Variants in CLVS2 observed in about 807,000 individuals in gnomAD.
The protein encoded by CLVS2 is clavesin-2.
Under a neutral mutation model 29.0 loss-of-function variants are expected in CLVS2, and 19 were observed. The observed-to-expected ratio is 0.66, with a 90% CI of 0.46 to 0.96. The LOEUF is 0.96. CLVS2 is among the 40% of genes least tolerant of loss of function. The pLI, the probability that CLVS2 is intolerant of heterozygous loss-of-function variation, is 0.00. For missense variants in CLVS2, 294 were observed against 404.1 expected (o/e 0.73, Z 2.34); for synonymous variants, 161 against 151.3 (o/e 1.06, Z -0.47).
chr6:123,044,400 C>T (rs979477167), intron 3 of CLVS2, among the ~76,000 whole-genome samples: 2 of 151,944 alleles, frequency 1.3e-5, no homozygotes, highest in Admixed American at 6.6e-5. Context: ...AAGTTGAGGA[C>T]GTGCCTGGGA....
chr6:123,058,574 T>C (rs2114366605), intron 5 of CLVS2, among the ~76,000 whole-genome samples: 1 of 152,332 alleles, frequency 6.6e-6, no homozygotes. Context: ...CTACTCCCAA[T>C]TTATTATCCA....
chr6:123,040,155 G>T (rs1775207631), intron 3 of CLVS2, among the ~76,000 whole-genome samples: 1 of 152,158 alleles, frequency 6.6e-6, no homozygotes, highest in Non-Finnish European at 1.5e-5. Flanking sequence ...ACAAAAGAAT[G>T]ATTTGTCAAT....
chr6:123,053,266 C>T (rs948494380), intron 4 of CLVS2, among the ~76,000 whole-genome samples: 1 of 152,134 alleles, frequency 6.6e-6, no homozygotes, highest in Non-Finnish European at 1.5e-5. Context: ...ATCGCTTGAA[C>T]CCAGGAGGCG....
chr6:122,996,893 C>G (rs568848042), intron 1 of CLVS2, 147 bp downstream of exon 1: 1 of 152,460 alleles, frequency 6.6e-6, no homozygotes, highest in East Asian at 1.9e-4. Flanking sequence ...CCCTCCCTCC[C>G]CCTCCCCCCT....
chr6:123,013,442 T>C (rs1430694592), intron 3 of CLVS2, among the ~76,000 whole-genome samples: 1 of 151,878 alleles, frequency 6.6e-6, no homozygotes, highest in Admixed American at 6.6e-5. Context: ...TGCTATCATG[T>C]CACCTTTATT....
Position 123,069,261 on chromosome 6 carries a change from G to T in CLVS2, c.*5500G>T, listed in dbSNP as rs1314815826. On this transcript the variant is annotated 3_prime_UTR_variant, in exon 6 of 6. Coordinates refer to ENST00000275162, the MANE Select transcript of CLVS2 (RefSeq NM_001010852.4). ...ATTTGCAATAGAATGACTGGATTAG[G>T]CAAGAGATTAAATTTAGAAATTTGA... is the stretch of plus-strand genomic sequence containing the variant. 1 of 151,512 alleles carries T rather than the reference G, an allele frequency of 6.6e-6. No homozygotes were observed. Among genetic ancestry groups the T allele is most frequent in the African/African-American group, 2.4e-5 (1 of 41,288 alleles). The allele number at this position is 151,512 out of a possible 1,614,324, so 9.4% of individuals were successfully genotyped here.
chr6:123,053,867 C>T (rs1304533210), intron 4 of CLVS2, among the ~76,000 whole-genome samples: 3 of 151,966 alleles, frequency 2.0e-5, no homozygotes, highest in Non-Finnish European at 4.4e-5. Flanking sequence ...GGAGAGAGGA[C>T]GAATTCTAGT....
intron 3 of CLVS2, among the ~76,000 whole-genome samples, chr6:123,020,472 A>G (rs907732000): frequency 1.3e-5 from 2 of 152,072 alleles, no homozygotes; most frequent in African/African-American, 4.8e-5. Context: ...TCATACAATG[A>G]GAATAAGACA....
chr6:123,018,134 A>G (rs181087255), intron 3 of CLVS2, among the ~76,000 whole-genome samples: 1 of 152,144 alleles, frequency 6.6e-6, no homozygotes, highest in Non-Finnish European at 1.5e-5. Context: ...GTAATTATCT[A>G]TAATGAAAAA....
chr6:123,012,603 A>G (rs1774765967), intron 3 of CLVS2, among the ~76,000 whole-genome samples: 1 of 151,954 alleles, frequency 6.6e-6, no homozygotes, highest in African/African-American at 2.4e-5. Flanking sequence ...CAAACTGACA[A>G]TTTGGAGATG....
At chr6:123,045,411 C>T (rs138269082) in intron 3 of CLVS2, among the ~76,000 whole-genome samples, 3 of 152,158 alleles carry the variant, frequency 2.0e-5, no homozygotes, top group Admixed American at 6.5e-5. Context: ...AACTAGTGCC[C>T]ACATTGGCTA....
rs756793844 is a variant in CLVS2, at chr6:123,048,620, A to G, written c.565-2A>G. 1 of 1,602,732 alleles carries G rather than the reference A, an allele frequency of 6.2e-7. No homozygotes were observed. Among genetic ancestry groups the G allele is most frequent in the Non-Finnish European group, 8.5e-7 (1 of 1,169,914 alleles). On this transcript the variant is annotated splice_acceptor_variant, in intron 3 of 5. Transcript: ENST00000275162. LOFTEE classifies it high-confidence loss of function. ...ATTGTTTTTTTCTCCATGTTACTCTAGGATAGTTTCCCAGCGCGATTTGGA... is the reference window on the plus strand; with the variant it reads ...ATTGTTTTTTTCTCCATGTTACTCTGGGATAGTTTCCCAGCGCGATTTGGA...
In CLVS2 at chr6:123,068,855, G is replaced by A. The variant is rs901771960; in HGVS notation, c.*5094G>A. 1 of 151,496 alleles carries A rather than the reference G, an allele frequency of 6.6e-6. No individual in the cohort carries two copies. The highest frequency in any genetic ancestry group is 2.4e-5 in the African/African-American group (1 of 41,342). The allele number at this position is 151,496 out of a possible 1,614,324, so 9.4% of individuals were successfully genotyped here. On this transcript the variant is annotated 3_prime_UTR_variant, in exon 6 of 6. Coordinates refer to ENST00000275162, the MANE Select transcript of CLVS2 (RefSeq NM_001010852.4). ...GTATACATTTCTGTTTAAAAGAAAT[G>A]TATGCTTTTATTTTGTATATTTTAT...
At chr6:123,007,763 T>C (rs2114303925) in intron 2 of CLVS2, among the ~76,000 whole-genome samples, 1 of 152,304 alleles carries the variant, frequency 6.6e-6, no homozygotes, top group Non-Finnish European at 1.5e-5. Flanking sequence ...TTAATGCTAT[T>C]TTGAGAAGCA....
In CLVS2 at chr6:123,065,351, G is replaced by A. The variant is rs2114374434; in HGVS notation, c.*1590G>A. The stretch of plus-strand genomic sequence containing the variant: ...CCAACAAAAATAAAGGCATGTGTCA[G>A]CCTTCATATTTTTTGGCCAAAAGCT... On this transcript the variant is annotated 3_prime_UTR_variant, in exon 6 of 6. Transcript: ENST00000275162. The A allele has an allele frequency of 6.6e-6, 1 of 151,894 alleles. No homozygotes were observed. The highest frequency in any genetic ancestry group is 3.4e-3 in the Middle Eastern group (1 of 294). 9.4% of individuals were successfully genotyped at this position (151,894 alleles called of 1,614,324 possible).
intron 3 of CLVS2, among the ~76,000 whole-genome samples, chr6:123,034,176 A>T (rs536777152): frequency 6.6e-6 from 1 of 152,306 alleles, no homozygotes; most frequent in East Asian, 1.9e-4. Context: ...GCTGAACATG[A>T]GACCATATGA....
At chr6:123,000,770 C>G (rs1562161208) in intron 2 of CLVS2, among the ~76,000 whole-genome samples, 1 of 152,148 alleles carries the variant, frequency 6.6e-6, no homozygotes, top group Non-Finnish European at 1.5e-5. Context: ...GAAAATAATC[C>G]TGGCAACATT....
At chr6:123,005,911 G>A (rs931749634) in intron 2 of CLVS2, among the ~76,000 whole-genome samples, 4 of 152,200 alleles carry the variant, frequency 2.6e-5, no homozygotes, top group Admixed American at 1.3e-4. Context: ...GTAAAATAAA[G>A]CAGCATGGTC....
chr6:123,056,192 C>G (rs1772690952), intron 5 of CLVS2, among the ~76,000 whole-genome samples, 166 bp downstream of exon 5: 1 of 152,060 alleles, frequency 6.6e-6, no homozygotes, highest in South Asian at 2.1e-4. Context: ...AAGATAAAGT[C>G]ATTTTCTTAT....
Sources: gnomAD v4.1 joint callset for allele counts (sites outside exome capture counted in the v4.1 genomes callset) on GRCh38, gnomAD v4.1.1 for gene constraint, MANE v1.5 for transcripts, NCBI Gene and HGNC (gene_info 2026-07-23, HGNC 2026-07-21) for gene names.